FSTL4: variants seen among roughly 807,000 people sequenced by gnomAD.
FSTL4 encodes the protein follistatin like 4.
FSTL4 carries 28 observed loss-of-function variants against 78.2 expected under a neutral mutation model. The observed-to-expected ratio is 0.36, with a 90% CI of 0.27 to 0.49. The LOEUF (loss-of-function observed/expected upper bound fraction) is 0.49, where lower values mean the gene tolerates loss of function less well. Among genes scored for constraint, FSTL4 ranks in the 20% least tolerant of loss-of-function variants. The pLI is 0.98. For missense variants in FSTL4, 922 were observed against 1,084.9 expected (o/e 0.85, Z 2.11); for synonymous variants, 422 against 440.5 (o/e 0.96, Z 0.53).
At chr5:133,695,225 G>C in the FSTL4 span, among the ~76,000 whole-genome samples, 1 of 152,150 alleles carries the variant, frequency 6.6e-6, no homozygotes, top group East Asian at 1.9e-4. Context: ...GCACCCACCA[G>C]CAATGAAGCT....
intron 4 of FSTL4, among the ~76,000 whole-genome samples, chr5:133,392,804 G>A (rs1038478016): frequency 6.6e-6 from 1 of 152,338 alleles, no homozygotes; most frequent in Admixed American, 6.5e-5. Flanking sequence ...AGGAAACAAT[G>A]TGGGGGACTC....
chr5:133,769,561 A>G, the FSTL4 span, among the ~76,000 whole-genome samples: 5 of 152,196 alleles, frequency 3.3e-5, no homozygotes, highest in African/African-American at 1.2e-4. Flanking sequence ...TCAGTGGCAA[A>G]GCTAGAGCAA....
At chr5:133,281,971 G>A (rs1206065235) in intron 6 of FSTL4, among the ~76,000 whole-genome samples, 1 of 152,142 alleles carries the variant, frequency 6.6e-6, no homozygotes, top group African/African-American at 2.4e-5. Context: ...CAGGTGGGTG[G>A]AACTGGTCAG....
chr5:133,461,169 C>T (rs1055659178), intron 3 of FSTL4, among the ~76,000 whole-genome samples: 13 of 152,206 alleles, frequency 8.5e-5, no homozygotes, highest in African/African-American at 3.1e-4. Flanking sequence ...GCACAAATCA[C>T]TTACTCAAAT....
At position 133,217,225 on chromosome 5, in the gene FSTL4, G is replaced by T. The variant is rs370033669; in HGVS notation, c.1608+4C>A. On this transcript the variant is annotated splice_donor_region_variant and intron_variant, in intron 13 of 15. Transcript: ENST00000265342. The stretch of plus-strand genomic sequence containing the variant: ...GTTTTCCTCACTCCATTAAAGAGGT[G>T]TACCTGTAGGACTTTCTGGGCTTGG... 1.2e-6 allele frequency: 2 copies of T among 1,612,582 alleles called. No individual in the cohort carries two copies. Among genetic ancestry groups the T allele is most frequent in the Non-Finnish European group, 8.5e-7 (1 of 1,178,952 alleles).
chr5:133,311,591 G>A (rs779858596), intron 6 of FSTL4, among the ~76,000 whole-genome samples: 1 of 152,190 alleles, frequency 6.6e-6, no homozygotes, highest in Non-Finnish European at 1.5e-5. Context: ...GCCTTGTGAA[G>A]GTGTGGAATA....
At chr5:133,322,277 CCACACACA>C (rs1222286826) in intron 4 of FSTL4, among the ~76,000 whole-genome samples, 3 of 42,496 alleles carry the variant, frequency 7.1e-5, no homozygotes, top group Admixed American at 5.5e-4. Context: ...ACCCACACAC[CCACACACA>C]CACACACCCC....
the FSTL4 span, among the ~76,000 whole-genome samples, chr5:133,641,258 A>C: frequency 6.8e-6 from 1 of 146,204 alleles, no homozygotes; most frequent in Non-Finnish European, 1.5e-5. Flanking sequence ...AACAAAACAC[A>C]CACACAAAAA....
At chr5:133,263,802 CAA>C (rs1389571869) in intron 6 of FSTL4, among the ~76,000 whole-genome samples, 6 of 152,058 alleles carry the variant, frequency 3.9e-5, no homozygotes, top group African/African-American at 1.4e-4. Flanking sequence ...TTGTATGCTA[CAA>C]GAGAGAGAAG....
At chr5:133,460,074 A>G (rs1157193442) in intron 3 of FSTL4, among the ~76,000 whole-genome samples, 1 of 152,186 alleles carries the variant, frequency 6.6e-6, no homozygotes, top group Non-Finnish European at 1.5e-5. Flanking sequence ...TAGGGTGTAA[A>G]CCAAGTAACC....
intron 4 of FSTL4, among the ~76,000 whole-genome samples, chr5:133,400,176 C>T (rs888188793): frequency 1.3e-5 from 2 of 152,216 alleles, no homozygotes; most frequent in African/African-American, 2.4e-5. Context: ...ATCCTTGGCC[C>T]CAGCTCCACA....
intron 3 of FSTL4, among the ~76,000 whole-genome samples, chr5:133,532,563 G>A (rs779700076): frequency 3.9e-5 from 6 of 152,148 alleles, no homozygotes; most frequent in Non-Finnish European, 5.9e-5. Flanking sequence ...GACCCTGCTA[G>A]ACAGAACAGA....
intron 3 of FSTL4, among the ~76,000 whole-genome samples, chr5:133,449,363 CCA>C (rs1349836224): frequency 6.6e-6 from 1 of 152,184 alleles, no homozygotes; most frequent in African/African-American, 2.4e-5. Flanking sequence ...GCATCAGGCA[CCA>C]CACAGAACCC....
intron 2 of FSTL4, among the ~76,000 whole-genome samples, chr5:133,574,464 T>A (rs1421645207): frequency 6.6e-6 from 1 of 152,262 alleles, no homozygotes; most frequent in Non-Finnish European, 1.5e-5. Context: ...GGTACTGCTC[T>A]TAACTATTGC....
chr5:133,636,907 C>T, the FSTL4 span, among the ~76,000 whole-genome samples: 7 of 152,096 alleles, frequency 4.6e-5, no homozygotes, highest in Non-Finnish European at 7.3e-5. Flanking sequence ...ATTATCCATA[C>T]TATACAGATG....
chr5:133,682,434 C>T, the FSTL4 span, among the ~76,000 whole-genome samples: 2 of 152,224 alleles, frequency 1.3e-5, no homozygotes, highest in African/African-American at 4.8e-5. Flanking sequence ...ATAAAGCCCC[C>T]ATGTGTAACC....
intron 3 of FSTL4, among the ~76,000 whole-genome samples, chr5:133,437,485 G>GTTTTTTTTTTTTTTTTTTTTTTTTTTTTT (rs11401684): frequency 2.1e-5 from 2 of 95,384 alleles, no homozygotes; most frequent in Non-Finnish European, 4.0e-5. Flanking sequence ...GTAAATAGGT[G>GTTTTTTTTTTTTTTTTTTTTTTTTTTTTT]TTTTTTTTTT....
At chr5:133,213,854 T>C (rs997738417) in intron 13 of FSTL4, among the ~76,000 whole-genome samples, 2 of 152,140 alleles carry the variant, frequency 1.3e-5, no homozygotes, top group African/African-American at 4.8e-5. Context: ...CGTGGCTTTA[T>C]AAAAGAGGAC....
At chr5:133,310,991 C>G (rs899025692) in intron 6 of FSTL4, among the ~76,000 whole-genome samples, 1 of 152,146 alleles carries the variant, frequency 6.6e-6, no homozygotes, top group African/African-American at 2.4e-5. Flanking sequence ...CAGTGACATG[C>G]AGGTCAATGT....
Sources: gnomAD v4.1 joint callset for allele counts (sites outside exome capture counted in the v4.1 genomes callset) on GRCh38, gnomAD v4.1.1 for gene constraint, MANE v1.5 for transcripts, NCBI Gene and HGNC (gene_info 2026-07-23, HGNC 2026-07-21) for gene names.